RPSA2: variants seen among roughly 807,000 people sequenced by gnomAD.
RPSA2 encodes the protein ribosomal protein SA 2.
the RPSA2 span, among the ~76,000 whole-genome samples, chr19:23,795,717 T>C: frequency 1.3e-5 from 2 of 152,142 alleles, no homozygotes; most frequent in Non-Finnish European, 2.9e-5. Flanking sequence ...TGAATAGAAG[T>C]GTTGAGAGAA....
chr19:23,848,229 C>G, the RPSA2 span, among the ~76,000 whole-genome samples: 1 of 152,142 alleles, frequency 6.6e-6, no homozygotes, highest in African/African-American at 2.4e-5. Context: ...AATTTATGTT[C>G]CTCTGCCGTG....
At chr19:23,851,321 A>G in the RPSA2 span, among the ~76,000 whole-genome samples, 5 of 152,136 alleles carry the variant, frequency 3.3e-5, no homozygotes, top group Non-Finnish European at 5.9e-5. Context: ...GGTGAGAGCA[A>G]ATTTATCTTT....
chr19:23,853,410 C>T, the RPSA2 span, among the ~76,000 whole-genome samples: 1 of 152,154 alleles, frequency 6.6e-6, no homozygotes, highest in African/African-American at 2.4e-5. Context: ...GAAGATTCCA[C>T]ATGTCCAAGT....
chr19:23,869,231 T>C, the RPSA2 span, among the ~76,000 whole-genome samples: 1 of 152,138 alleles, frequency 6.6e-6, no homozygotes, highest in Non-Finnish European at 1.5e-5. Flanking sequence ...CAGAACAATG[T>C]CGTCAATTAT....
chr19:23,803,584 C>T, the RPSA2 span, among the ~76,000 whole-genome samples: 32 of 6,442 alleles, frequency 5.0e-3, no homozygotes, highest in Non-Finnish European at 0.11. Flanking sequence ...ATATTCTATA[C>T]ATTTTTTAAA....
At chr19:23,824,273 C>T in the RPSA2 span, among the ~76,000 whole-genome samples, 1 of 152,168 alleles carries the variant, frequency 6.6e-6, no homozygotes, top group African/African-American at 2.4e-5. Context: ...GGGAGGAAAA[C>T]AGGAAGTTAA....
chr19:23,769,841 T>G, the RPSA2 span, among the ~76,000 whole-genome samples: 1 of 152,190 alleles, frequency 6.6e-6, no homozygotes, highest in African/African-American at 2.4e-5. Context: ...GACATATCAC[T>G]GGGTCTAACA....
the RPSA2 span, among the ~76,000 whole-genome samples, chr19:23,852,942 C>T: frequency 6.6e-6 from 1 of 152,196 alleles, no homozygotes; most frequent in African/African-American, 2.4e-5. Flanking sequence ...TGTAATCCAG[C>T]TTCTGTAACT....
chr19:23,806,612 C>T, the RPSA2 span, among the ~76,000 whole-genome samples: 1 of 151,378 alleles, frequency 6.6e-6, no homozygotes, highest in Non-Finnish European at 1.5e-5. Flanking sequence ...GGTGAAACCC[C>T]ATCCCTACAA....
the RPSA2 span, among the ~76,000 whole-genome samples, chr19:23,759,704 A>G: frequency 1.3e-5 from 2 of 151,176 alleles, no homozygotes. Context: ...TTGCATTTTT[A>G]GTAGAGACGG....
chr19:23,788,999 A>T, the RPSA2 span, among the ~76,000 whole-genome samples: 1 of 102,150 alleles, frequency 9.8e-6, no homozygotes, highest in Non-Finnish European at 2.1e-5. Flanking sequence ...GCCTGTGCTC[A>T]TCTTTTCTTT....
the RPSA2 span, among the ~76,000 whole-genome samples, chr19:23,821,216 G>C: frequency 6.6e-6 from 1 of 152,206 alleles, no homozygotes. Context: ...GAGTTAGTTT[G>C]TCAGCTTCCC....
the RPSA2 span, among the ~76,000 whole-genome samples, chr19:23,781,579 T>A: frequency 6.6e-6 from 1 of 152,116 alleles, no homozygotes; most frequent in African/African-American, 2.4e-5. Flanking sequence ...CCTCAAGTGA[T>A]CTGCCCACCT....
chr19:23,857,329 TAA>T, the RPSA2 span, among the ~76,000 whole-genome samples: 1 of 152,142 alleles, frequency 6.6e-6, no homozygotes, highest in South Asian at 2.1e-4. Flanking sequence ...TAAGAAATTA[TAA>T]GAGTATTATT....
chr19:23,849,612 C>T, the RPSA2 span, among the ~76,000 whole-genome samples: 24 of 152,198 alleles, frequency 1.6e-4, no homozygotes, highest in South Asian at 4.8e-3. Context: ...CCTTATCTTC[C>T]CATTTCAAGG....
the RPSA2 span, among the ~76,000 whole-genome samples, chr19:23,777,054 G>A: frequency 3.3e-5 from 5 of 152,118 alleles, no homozygotes; most frequent in East Asian, 9.7e-4. Context: ...CCTGGGCCCT[G>A]CTTACAGGTG....
chr19:23,866,014 C>T, the RPSA2 span, among the ~76,000 whole-genome samples: 1 of 152,162 alleles, frequency 6.6e-6, no homozygotes, highest in Non-Finnish European at 1.5e-5. Context: ...GAAATGTGTG[C>T]AGACCAGGCT....
the RPSA2 span, among the ~76,000 whole-genome samples, chr19:23,855,224 G>A: frequency 6.6e-6 from 1 of 152,152 alleles, no homozygotes; most frequent in South Asian, 2.1e-4. Flanking sequence ...AATGCCATCA[G>A]CATGATTTAG....
At chr19:23,860,455 G>C in the RPSA2 span, among the ~76,000 whole-genome samples, 4 of 152,130 alleles carry the variant, frequency 2.6e-5, no homozygotes, top group Non-Finnish European at 5.9e-5. Flanking sequence ...TTCCACTGCA[G>C]CTTCTCACTT....
Sources: gnomAD v4.1 joint callset for allele counts (sites outside exome capture counted in the v4.1 genomes callset) on GRCh38, gnomAD v4.1.1 for gene constraint, MANE v1.5 for transcripts, NCBI Gene and HGNC (gene_info 2026-07-23, HGNC 2026-07-21) for gene names.